Variants in NUDCD1 observed in about 807,000 individuals in gnomAD.
The protein encoded by NUDCD1 is nudC domain-containing protein 1.
A neutral mutation model predicts 67.8 loss-of-function variants in NUDCD1; 60 were observed. That is an observed-to-expected ratio of 0.88 (90% CI 0.72 to 1.10). NUDCD1 has a LOEUF of 1.10. NUDCD1 is among the 50% of genes least tolerant of loss of function. NUDCD1 has a pLI of 0.00. For missense variants in NUDCD1, 643 were observed against 695.0 expected (o/e 0.93, Z 0.84); for synonymous variants, 244 against 230.8 (o/e 1.06, Z -0.52).
chr8:109,314,319 G>A (rs1320067024), intron 2 of NUDCD1, among the ~76,000 whole-genome samples: 1 of 152,146 alleles, frequency 6.6e-6, no homozygotes, highest in Non-Finnish European at 1.5e-5. Flanking sequence ...AATACTTACT[G>A]AATCAGTATA....
rs561321315 is a variant in NUDCD1, at chr8:109,320,082, C to T, written c.273+2227G>A. 5.3e-5 allele frequency among the ~76,000 whole-genome samples: 8 copies of T among 152,214 alleles called. No individual in the cohort carries two copies. The South Asian group carries it at 6.2e-4, about 12-fold the overall frequency. The stretch of plus-strand genomic sequence containing the variant: ...TATCACAAGGCAAGTAGAGGCAGGG[C>T]GAGATCACAAAACCACAGGACTGGG... On this transcript the variant is annotated intron_variant, in intron 2 of 9. Coordinates refer to ENST00000239690, the MANE Select transcript of NUDCD1 (RefSeq NM_032869.4).
At chr8:109,329,713 T>G (rs1443550514) in intron 1 of NUDCD1, 1 of 1,200,384 alleles carries the variant, frequency 8.3e-7, no homozygotes, top group African/African-American at 1.5e-5. Flanking sequence ...TATCACAACT[T>G]CTTAAGTTGT....
Position 109,242,315 on chromosome 8 carries a change from A to G in NUDCD1, c.*694T>C. 5.1e-6 allele frequency: 2 copies of G among 394,278 alleles called. No homozygotes were observed. The highest frequency in any genetic ancestry group is 8.9e-6 in the Non-Finnish European group (2 of 223,560). 24.4% of individuals were successfully genotyped at this position (394,278 alleles called of 1,614,324 possible). ...TACTGGAGGCTGAGAGGCCCTGTACAGCAGAGACAGCCAACTCACTGAATC... is the reference window on the plus strand; with the variant it reads ...TACTGGAGGCTGAGAGGCCCTGTACGGCAGAGACAGCCAACTCACTGAATC... On this transcript the variant is annotated 3_prime_UTR_variant, in exon 10 of 10. Coordinates refer to ENST00000239690, the MANE Select transcript of NUDCD1 (RefSeq NM_032869.4).
intron 1 of NUDCD1, among the ~76,000 whole-genome samples, chr8:109,328,772 C>T (rs1022291581): frequency 2.6e-5 from 4 of 151,922 alleles, no homozygotes; most frequent in Non-Finnish European, 5.9e-5. Context: ...AACTATATCC[C>T]GGAAAAAAAA....
At chr8:109,329,283 AAAG>A (rs1815751004) in intron 1 of NUDCD1, among the ~76,000 whole-genome samples, 1 of 152,184 alleles carries the variant, frequency 6.6e-6, no homozygotes, top group Admixed American at 6.5e-5. Context: ...TCAAAGGAGA[AAAG>A]GAGGGGAAAA....
chr8:109,293,597 T>G, intron 3 of NUDCD1, 73 bp from the exon 4 acceptor site: 9 of 712,518 alleles, frequency 1.3e-5, no homozygotes, highest in Non-Finnish European at 1.7e-5. Flanking sequence ...AGGGAATATA[T>G]AGGATTCTGG....
In NUDCD1 at chr8:109,333,986, G is replaced by A; in HGVS notation, c.25C>T (p.Leu9=). 6.2e-7 allele frequency: 1 copy of A among 1,614,196 alleles called. No homozygotes were observed. The highest frequency in any genetic ancestry group is 8.5e-7 in the Non-Finnish European group (1 of 1,180,002). The change falls in exon 1 of 10, where the codon CTA becomes TTA. Residue 9 remains leucine (L), a synonymous_variant. Coordinates refer to ENST00000239690, the MANE Select transcript of NUDCD1 (RefSeq NM_032869.4). MEVAANCS[L]RVKRPLLDPR... Reference sequence around the variant, plus strand: ...TCCAACAGAGGTCTCTTCACCCGTAGGGAGCAATTAGCCGCCACCTCCATC... The same window carrying A: ...TCCAACAGAGGTCTCTTCACCCGTAAGGAGCAATTAGCCGCCACCTCCATC...
At chr8:109,269,506 T>A (rs750137011) in intron 8 of NUDCD1, among the ~76,000 whole-genome samples, 4 of 152,148 alleles carry the variant, frequency 2.6e-5, no homozygotes, top group Non-Finnish European at 5.9e-5. Context: ...CAGTAAAATG[T>A]TGGGCCAGAA....
chr8:109,258,803 T>C (rs1008801019), intron 8 of NUDCD1, among the ~76,000 whole-genome samples: 3 of 152,136 alleles, frequency 2.0e-5, no homozygotes, highest in Non-Finnish European at 4.4e-5. Context: ...TCAAAAAATA[T>C]AAGATTTGCA....
At chr8:109,306,158 C>G (rs1357010426) in intron 2 of NUDCD1, among the ~76,000 whole-genome samples, 1 of 152,218 alleles carries the variant, frequency 6.6e-6, no homozygotes, top group Non-Finnish European at 1.5e-5. Flanking sequence ...CCAGTTTACA[C>G]TTTTCTTCCA....
intron 2 of NUDCD1, among the ~76,000 whole-genome samples, chr8:109,312,087 G>C (rs1815267383): frequency 6.6e-6 from 1 of 152,042 alleles, no homozygotes; most frequent in South Asian, 2.1e-4. Context: ...CGAATCACCT[G>C]AGGCAGGAGT....
intron 5 of NUDCD1, among the ~76,000 whole-genome samples, chr8:109,286,347 A>G (rs1345158203): frequency 1.3e-5 from 2 of 152,096 alleles, no homozygotes; most frequent in African/African-American, 4.8e-5. Context: ...AAATAGCCAA[A>G]GCCATCCTAA....
At chr8:109,291,233 G>C (rs1440446686) in intron 4 of NUDCD1, among the ~76,000 whole-genome samples, 3 of 152,144 alleles carry the variant, frequency 2.0e-5, no homozygotes, top group Non-Finnish European at 2.9e-5. Flanking sequence ...ACTGCTCACT[G>C]TAGCCTCAAA....
At chr8:109,321,154 C>G (rs181014030) in intron 2 of NUDCD1, among the ~76,000 whole-genome samples, 5 of 152,240 alleles carry the variant, frequency 3.3e-5, no homozygotes, top group Non-Finnish European at 7.4e-5. Context: ...GCAAATCAGA[C>G]AGACTACTCT....
rs772929517 is a variant in NUDCD1, at chr8:109,245,380, T to C, written c.1401A>G (p.Gln467=). The C allele has an allele frequency of 2.5e-6, 4 of 1,613,954 alleles. No homozygotes were observed. The highest frequency in any genetic ancestry group is 4.5e-5 in the East Asian group (2 of 44,858). Residue 467 remains glutamine, a synonymous_variant, in exon 9 of 10, where the codon CAA becomes CAG. Coordinates refer to ENST00000239690, the MANE Select transcript of NUDCD1 (RefSeq NM_032869.4). ...LRHDVDALLW[Q]PHSSKQDDMW... ...TATCATCTTGTTTGCTGGAGTGTGG[T>C]TGCCAGAGTAGGGCATCAACATCAT...
intron 8 of NUDCD1, among the ~76,000 whole-genome samples, chr8:109,270,789 A>G (rs978926573): frequency 2.6e-5 from 4 of 152,186 alleles, no homozygotes; most frequent in African/African-American, 4.8e-5. Flanking sequence ...TGTCCAGAAA[A>G]GCACCACTTG....
chr8:109,304,578 C>T (rs1268610057), intron 2 of NUDCD1, among the ~76,000 whole-genome samples: 4 of 152,150 alleles, frequency 2.6e-5, no homozygotes, highest in African/African-American at 7.2e-5. Context: ...TTTAAAGACT[C>T]GAAATATGCC....
At chr8:109,293,568 A>G (rs751075732) in intron 3 of NUDCD1, 44 bp from the exon 4 acceptor site, 2 of 1,059,362 alleles carry the variant, frequency 1.9e-6, no homozygotes, top group Non-Finnish European at 2.7e-6. Context: ...ACATAATTAC[A>G]TGAACACAGA....
chr8:109,275,664 C>T (rs968105710), intron 6 of NUDCD1, among the ~76,000 whole-genome samples, 168 bp from the exon 7 acceptor site: 1 of 152,080 alleles, frequency 6.6e-6, no homozygotes, highest in East Asian at 1.9e-4. Context: ...GATGGAAAAC[C>T]TATAATCCAA....
Sources: gnomAD v4.1 joint callset for allele counts (sites outside exome capture counted in the v4.1 genomes callset) on GRCh38, gnomAD v4.1.1 for gene constraint, MANE v1.5 for transcripts, NCBI Gene and HGNC (gene_info 2026-07-23, HGNC 2026-07-21) for gene names.